Variants in CSMD3 observed in about 807,000 individuals in gnomAD.
CSMD3 encodes the protein CUB and sushi domain-containing protein 3.
CSMD3 carries 177 observed loss-of-function variants against 435.2 expected under a neutral mutation model. The observed-to-expected ratio is 0.41, with a 90% confidence interval of 0.36 to 0.46. The LOEUF is 0.46. Among genes scored for constraint, CSMD3 ranks in the 20% least tolerant of loss-of-function variants. The pLI is 0.34. For synonymous variants in CSMD3, 1,656 were observed against 1,520.5 expected, an observed-to-expected ratio of 1.09 and a Z score of -2.07; for missense variants, 4,265 against 4,504.6, an observed-to-expected ratio of 0.95 and a Z score of 1.52.
At chr8:112,965,271 TG>T (rs2130882949) in intron 7 of CSMD3, among the ~76,000 whole-genome samples, 1 of 152,072 alleles carries the variant, frequency 6.6e-6, no homozygotes, top group Non-Finnish European at 1.5e-5. Flanking sequence ...GGTAACCATT[TG>T]GGGAAATCAG....
intron 26 of CSMD3, 98 bp from the exon 27 acceptor site, chr8:112,550,971 C>A: frequency 1.2e-6 from 1 of 809,352 alleles, no homozygotes. Flanking sequence ...CTAGATAGTT[C>A]TTTTTTGCTA....
intron 10 of CSMD3, among the ~76,000 whole-genome samples, chr8:112,872,959 T>C (rs1587537115): frequency 6.6e-6 from 1 of 151,852 alleles, no homozygotes; most frequent in East Asian, 1.9e-4. Context: ...ACTAAGAAGA[T>C]GATGTGTAGT....
intron 1 of CSMD3, among the ~76,000 whole-genome samples, chr8:113,415,679 A>C (rs1343597978): frequency 2.6e-5 from 4 of 152,112 alleles, no homozygotes; most frequent in Non-Finnish European, 5.9e-5. Context: ...CTATTTTAAA[A>C]TAATGCTTAG....
At chr8:112,616,099 A>T (rs1387848257) in intron 22 of CSMD3, among the ~76,000 whole-genome samples, 1 of 152,102 alleles carries the variant, frequency 6.6e-6, no homozygotes, top group East Asian at 1.9e-4. Flanking sequence ...CTGAGTCCTC[A>T]TCTAGGCTTT....
chr8:112,444,723 G>A (rs1815406146), intron 32 of CSMD3, among the ~76,000 whole-genome samples: 1 of 152,190 alleles, frequency 6.6e-6, no homozygotes, highest in Admixed American at 6.5e-5. Context: ...AGTTGGGGAA[G>A]CTGATGGCAA....
intron 17 of CSMD3, among the ~76,000 whole-genome samples, chr8:112,664,252 A>G (rs2075462166): frequency 6.6e-6 from 1 of 152,126 alleles, no homozygotes; most frequent in African/African-American, 2.4e-5. Context: ...ACTAAATTTA[A>G]AAACTGAAAA....
chr8:112,970,730 T>C (rs553798550), intron 7 of CSMD3, among the ~76,000 whole-genome samples: 35 of 151,542 alleles, frequency 2.3e-4, no homozygotes, highest in South Asian at 1.5e-3. Flanking sequence ...CTTTTCTTTT[T>C]TTTTTTTTTT....
intron 2 of CSMD3, among the ~76,000 whole-genome samples, chr8:113,290,820 ACT>A (rs2093681316): frequency 1.3e-5 from 2 of 151,564 alleles, no homozygotes; most frequent in South Asian, 4.1e-4. Flanking sequence ...CAATTATTAT[ACT>A]ATTTTAAAAT....
intron 6 of CSMD3, among the ~76,000 whole-genome samples, chr8:113,006,485 T>C (rs554538741): frequency 1.3e-5 from 2 of 152,044 alleles, no homozygotes; most frequent in South Asian, 2.1e-4. Context: ...TTTAATGGGA[T>C]TGCCCTGCTA....
At chr8:112,448,341 G>C (rs888156445) in intron 32 of CSMD3, among the ~76,000 whole-genome samples, 1 of 152,142 alleles carries the variant, frequency 6.6e-6, no homozygotes, top group Non-Finnish European at 1.5e-5. Context: ...TGGGGGATTA[G>C]AGCTTCCACA....
At chr8:112,680,740 A>G (rs1255952046) in intron 16 of CSMD3, among the ~76,000 whole-genome samples, 1 of 152,316 alleles carries the variant, frequency 6.6e-6, no homozygotes, top group South Asian at 2.1e-4. Context: ...AAACATAATT[A>G]CACGGTCTGG....
chr8:112,990,024 C>T (rs1177271103), intron 6 of CSMD3, among the ~76,000 whole-genome samples: 1 of 151,972 alleles, frequency 6.6e-6, no homozygotes, highest in African/African-American at 2.4e-5. Flanking sequence ...AAGCTCTTGC[C>T]TCCTGCCATG....
intron 4 of CSMD3, among the ~76,000 whole-genome samples, chr8:113,168,900 C>T (rs1310004156): frequency 6.6e-6 from 1 of 151,996 alleles, no homozygotes; most frequent in Non-Finnish European, 1.5e-5. Context: ...TTTCCTACTG[C>T]CTTTGTGAGG....
chr8:112,704,260 T>A (rs889806235), intron 13 of CSMD3, among the ~76,000 whole-genome samples: 30 of 152,202 alleles, frequency 2.0e-4, no homozygotes, highest in Admixed American at 1.9e-3. Context: ...ATTACAGGCA[T>A]GAACCACCAA....
chr8:112,837,869 T>C (rs1047094545), intron 11 of CSMD3, among the ~76,000 whole-genome samples: 1 of 151,836 alleles, frequency 6.6e-6, no homozygotes, highest in African/African-American at 2.4e-5. Context: ...GCATTATATA[T>C]GTATAATTAC....
chr8:112,410,674 G>A (rs866263877), intron 32 of CSMD3, among the ~76,000 whole-genome samples: 15 of 102,388 alleles, frequency 1.5e-4, no homozygotes, highest in Non-Finnish European at 2.1e-4. Context: ...ATATATATAT[G>A]TGTATATATA....
At chr8:112,910,387 A>T (rs1413939058) in intron 10 of CSMD3, among the ~76,000 whole-genome samples, 1 of 151,726 alleles carries the variant, frequency 6.6e-6, no homozygotes, top group Non-Finnish European at 1.5e-5. Flanking sequence ...AGATAACTGT[A>T]CCTACTTTAC....
intron 13 of CSMD3, among the ~76,000 whole-genome samples, chr8:112,732,547 G>A (rs1368426346): frequency 3.3e-5 from 5 of 151,588 alleles, no homozygotes; most frequent in Admixed American, 1.3e-4. Flanking sequence ...CCTGGCCAAC[G>A]TGGCGAAACC....
At chr8:112,705,708 T>C (rs1048197235) in intron 13 of CSMD3, among the ~76,000 whole-genome samples, 1 of 151,998 alleles carries the variant, frequency 6.6e-6, no homozygotes, top group Non-Finnish European at 1.5e-5. Flanking sequence ...AATAGGTGTA[T>C]TCAGAATATA....
Sources: gnomAD v4.1 joint callset for allele counts (sites outside exome capture counted in the v4.1 genomes callset) on GRCh38, gnomAD v4.1.1 for gene constraint, MANE v1.5 for transcripts, NCBI Gene and HGNC (gene_info 2026-07-23, HGNC 2026-07-21) for gene names.